Variants in CINP observed in about 807,000 individuals in gnomAD.
CINP encodes the protein cyclin dependent kinase 2 interacting protein.
A neutral mutation model predicts 20.5 loss-of-function variants in CINP; 11 were observed. The ratio of observed to expected loss-of-function variants is 0.54; its 90% CI spans 0.34 to 0.89. CINP has a LOEUF of 0.89. Ranked by LOEUF, CINP falls within the 40% of genes least tolerant of loss-of-function variation. The pLI is 0.02. For missense variants in CINP, 213 were observed against 251.0 expected, an observed-to-expected ratio of 0.85 and a Z score of 1.02; for synonymous variants, 108 against 102.1, an observed-to-expected ratio of 1.06 and a Z score of -0.35.
At chr14:102,356,616 C>G (rs530241692) in intron 2 of CINP, among the ~76,000 whole-genome samples, 1 of 152,274 alleles carries the variant, frequency 6.6e-6, no homozygotes, top group South Asian at 2.1e-4. Context: ...TTTGTGGCAA[C>G]CCTCTGTATG....
chr14:102,361,358 G>A (rs970237692), intron 1 of CINP, among the ~76,000 whole-genome samples: 2 of 152,188 alleles, frequency 1.3e-5, no homozygotes, highest in Non-Finnish European at 2.9e-5. Context: ...TAAGAAGTTG[G>A]ACCGAGGGCA....
chr14:102,355,546 G>A (rs1031247617), intron 3 of CINP: 1 of 463,342 alleles, frequency 2.2e-6, no homozygotes, highest in African/African-American at 2.0e-5. Flanking sequence ...ACTATGTGAT[G>A]AGCCCTGAAA....
At chr14:102,355,375 C>T (rs1190473674) in intron 3 of CINP, among the ~76,000 whole-genome samples, 2 of 152,054 alleles carry the variant, frequency 1.3e-5, no homozygotes, top group African/African-American at 2.4e-5. Context: ...ATTAGCCAGG[C>T]ATGGTGGCGG....
chr14:102,354,295 G>C (rs890581070), intron 3 of CINP, among the ~76,000 whole-genome samples: 2 of 152,140 alleles, frequency 1.3e-5, no homozygotes, highest in African/African-American at 4.8e-5. Context: ...ATCAGGGATG[G>C]GCAAACTATC....
At position 102,362,848 on chromosome 14, in the gene CINP, C is replaced by T; in HGVS notation, c.4G>A (p.Glu2Lys). The T allele has an allele frequency of 6.2e-7, 1 of 1,614,178 alleles. No homozygotes were observed. Among genetic ancestry groups the T allele is most frequent in the South Asian group, 1.1e-5 (1 of 91,082 alleles). ...GAAAGGAACCGATCTCACGCACCTT[C>T]CATAAGGTCCACAGATATCCGTAGA... M[E>K]AKTLGTVTPR... The change falls in exon 1 of 5, where the codon GAA (glutamate) becomes AAA (lysine). Residue 2 changes from glutamate (E) to lysine (K), a missense_variant. Coordinates refer to ENST00000216756, the MANE Select transcript of CINP (RefSeq NM_032630.3).
At chr14:102,353,370 C>G (rs1297308155) in intron 3 of CINP, among the ~76,000 whole-genome samples, 1 of 152,096 alleles carries the variant, frequency 6.6e-6, no homozygotes, top group Non-Finnish European at 1.5e-5. Flanking sequence ...TGATCAAGGT[C>G]AACTTCAGCA....
chr14:102,350,404 T>C (rs1472942835), intron 3 of CINP, among the ~76,000 whole-genome samples: 5 of 151,840 alleles, frequency 3.3e-5, no homozygotes, highest in Non-Finnish European at 7.4e-5. Flanking sequence ...TTTCTTTTTT[T>C]TTTTGCGACA....
chr14:102,357,198 T>C (rs903572286), intron 2 of CINP, among the ~76,000 whole-genome samples: 1 of 151,938 alleles, frequency 6.6e-6, no homozygotes, highest in Non-Finnish European at 1.5e-5. Flanking sequence ...CTGGGCAACA[T>C]GTGAAACTCC....
chr14:102,349,168 C>T (rs1318586187), intron 4 of CINP, among the ~76,000 whole-genome samples: 1 of 152,136 alleles, frequency 6.6e-6, no homozygotes, highest in African/African-American at 2.4e-5. Context: ...GCACGAGAAT[C>T]GCTTGTGCCT....
intron 2 of CINP, among the ~76,000 whole-genome samples, chr14:102,357,600 A>G (rs1003395600): frequency 1.4e-4 from 22 of 152,174 alleles, no homozygotes; most frequent in Admixed American, 4.6e-4. Flanking sequence ...CATTCCCTTA[A>G]GTCAAAGCCT....
chr14:102,349,619 C>A (rs1280075843), intron 4 of CINP, among the ~76,000 whole-genome samples: 1 of 152,112 alleles, frequency 6.6e-6, no homozygotes, highest in South Asian at 2.1e-4. Flanking sequence ...TCCTTTCCCC[C>A]CCTCAAAATG....
At chr14:102,354,555 G>A (rs999062183) in intron 3 of CINP, among the ~76,000 whole-genome samples, 1 of 152,096 alleles carries the variant, frequency 6.6e-6, no homozygotes, top group African/African-American at 2.4e-5. Flanking sequence ...CCAGGACTTC[G>A]AGACCAGCCT....
At chr14:102,355,518 GA>G (rs113572507) in intron 3 of CINP, 26,826 of 298,008 alleles carry the variant, frequency 0.09, 9 homozygotes, top group Middle Eastern at 0.12. Context: ...CCATATCATG[GA>G]AAAAAAAAAA....
intron 1 of CINP, among the ~76,000 whole-genome samples, chr14:102,359,891 C>G (rs1210692774): frequency 6.6e-6 from 1 of 152,204 alleles, no homozygotes; most frequent in Non-Finnish European, 1.5e-5. Flanking sequence ...AAAGTTGTGA[C>G]TGTCTGCTAA....
chr14:102,352,479 G>C (rs1567305069), intron 3 of CINP: 1 of 455,532 alleles, frequency 2.2e-6, no homozygotes, highest in African/African-American at 2.0e-5. Flanking sequence ...TGTTAGCCCA[G>C]CTTAGGAAGA....
In CINP at chr14:102,354,625, C is replaced by T. The variant is rs368215565; in HGVS notation, c.306+1143G>A. Among the ~76,000 whole-genome samples the T allele has an allele frequency of 2.6e-4, 39 of 151,746 alleles. No individual in the cohort carries two copies. The South Asian group carries it at 6.5e-3, about 25-fold the overall frequency. Reference sequence around the variant, plus strand: ...TACAACAATTAGCTGGGCATGGTGGCGCACACCTGCGATCCCAGCTATGTG... The same window carrying T: ...TACAACAATTAGCTGGGCATGGTGGTGCACACCTGCGATCCCAGCTATGTG... On this transcript the variant is annotated intron_variant, in intron 3 of 4. Transcript: ENST00000216756.
rs1218941196 is a variant in CINP, at chr14:102,349,972, C to T, written c.383G>A (p.Gly128Glu). Residue 128 changes from glycine (G) to glutamate (E), a missense_variant, in exon 4 of 5, where the codon GGG becomes GAG. Coordinates refer to ENST00000216756, the MANE Select transcript of CINP (RefSeq NM_032630.3). ...CAGAGGGGGTCGTTTACTCTCCTCC[C>T]CATAATGGTAGTTTTCTAGTTCACA... ...GICELENYHY[G>E]EESKRPPLFH... is the part of the protein sequence containing the mutation. 1 of 1,613,812 alleles carries T rather than the reference C, an allele frequency of 6.2e-7. No homozygotes were observed.
chr14:102,358,637 C>T (rs1488390222), intron 2 of CINP, among the ~76,000 whole-genome samples: 8 of 152,026 alleles, frequency 5.3e-5, no homozygotes, highest in African/African-American at 1.2e-4. Flanking sequence ...GCCAAGATCA[C>T]GCCATTGCAC....
intron 3 of CINP, 74 bp downstream of exon 3, chr14:102,355,694 G>T: frequency 6.4e-7 from 1 of 1,562,920 alleles, no homozygotes; most frequent in South Asian, 1.2e-5. Flanking sequence ...ATGGCCAATG[G>T]TCAAGCAAAC....
Sources: gnomAD v4.1 joint callset for allele counts (sites outside exome capture counted in the v4.1 genomes callset) on GRCh38, gnomAD v4.1.1 for gene constraint, MANE v1.5 for transcripts, NCBI Gene and HGNC (gene_info 2026-07-23, HGNC 2026-07-21) for gene names.